The following ACSF2 variants were observed in gnomAD, a reference collection of about 807,000 sequenced individuals.
ACSF2 encodes medium-chain acyl-CoA ligase ACSF2, mitochondrial.
In ACSF2, 52 loss-of-function variants were observed where a neutral mutation model predicts 79.3. The ratio of observed to expected loss-of-function variants is 0.66; its 90% confidence interval spans 0.53 to 0.83. The LOEUF (loss-of-function observed/expected upper bound fraction) is 0.83. Ranked by LOEUF, ACSF2 falls within the 40% of genes least tolerant of loss-of-function variation. The pLI, the probability that ACSF2 is intolerant of heterozygous loss-of-function variation, is 0.00. For missense variants in ACSF2, 661 were observed against 803.3 expected, an observed-to-expected ratio of 0.82 and a Z score of 2.14; for synonymous variants, 283 against 312.6, an observed-to-expected ratio of 0.91 and a Z score of 1.00.
At chr17:50,465,764 G>A in intron 10 of ACSF2, 1 of 1,613,910 alleles carries the variant, frequency 6.2e-7, no homozygotes, top group Non-Finnish European at 8.5e-7. Context: ...AAGGGCGAGG[G>A]TCTCCAGGCT....
At chr17:50,433,727 G>C (rs879370801) in intron 1 of ACSF2, among the ~76,000 whole-genome samples, 4 of 151,970 alleles carry the variant, frequency 2.6e-5, no homozygotes, top group Admixed American at 2.0e-4. Context: ...CAGGTGATGT[G>C]CCCACCTCTG....
intron 1 of ACSF2, among the ~76,000 whole-genome samples, chr17:50,454,169 A>AT (rs34569538): frequency 0.068 from 7,673 of 113,054 alleles, 1,138 homozygotes; most frequent in African/African-American, 0.27. Context: ...ACCGTCCCAA[A>AT]TTTTTTTTTT....
intron 1 of ACSF2, among the ~76,000 whole-genome samples, chr17:50,429,816 C>G (rs529603398): frequency 3.4e-4 from 52 of 152,228 alleles, no homozygotes; most frequent in Non-Finnish European, 6.6e-4. Flanking sequence ...CCACGCCCGG[C>G]CCAGAGTCTT....
intron 1 of ACSF2, among the ~76,000 whole-genome samples, chr17:50,446,927 G>C (rs1285302850): frequency 6.6e-6 from 1 of 152,078 alleles, no homozygotes; most frequent in Non-Finnish European, 1.5e-5. Flanking sequence ...TATTGGAAAT[G>C]ATACAAATAT....
At chr17:50,465,569 G>C in intron 10 of ACSF2, 1 of 1,465,788 alleles carries the variant, frequency 6.8e-7, no homozygotes. Context: ...TTTTACAAAT[G>C]GGGAAACTGA....
At chr17:50,462,969 T>C (rs2032441179) in intron 6 of ACSF2, 187 bp from the exon 7 acceptor site, 4 of 618,844 alleles carry the variant, frequency 6.5e-6, no homozygotes. Context: ...AACGGAGACC[T>C]TATCTTCTGC....
chr17:50,472,758 G>T, intron 12 of ACSF2, 179 bp downstream of exon 12: 2 of 655,236 alleles, frequency 3.1e-6, no homozygotes, highest in Non-Finnish European at 4.7e-6. Context: ...TAGCACAGAA[G>T]AAAGCAACTG....
In ACSF2 at chr17:50,461,339, A is replaced by T. The variant is rs1173820278; in HGVS notation, c.422A>T (p.Gln141Leu). ...AACTCCTATGCATGGGTGCTCATGC[A>T]GTTGGCCACCGCCCAGGCGGGCATC... ...GPNSYAWVLM[Q>L]LATAQAGIIL... The change falls in exon 3 of 16, where the codon CAG (glutamine) becomes CTG (leucine). Residue 141 changes from glutamine (Q) to leucine (L), a missense_variant. By Grantham distance (113) the Gln-to-Leu change is moderately radical. Coordinates refer to ENST00000300441, the MANE Select transcript of ACSF2 (RefSeq NM_025149.6). 1.2e-6 allele frequency: 2 copies of T among 1,614,024 alleles called. No individual in the cohort carries two copies. The highest frequency in any genetic ancestry group is 2.7e-5 in the African/African-American group (2 of 74,940).
At chr17:50,465,985 G>A in intron 10 of ACSF2, 1 of 1,150,296 alleles carries the variant, frequency 8.7e-7, no homozygotes, top group Non-Finnish European at 1.3e-6. Flanking sequence ...GCACTTTGAG[G>A]AGTTTCCCAG....
At chr17:50,453,686 A>T (rs2143651206) in intron 1 of ACSF2, among the ~76,000 whole-genome samples, 1 of 152,242 alleles carries the variant, frequency 6.6e-6, no homozygotes, top group South Asian at 2.1e-4. Flanking sequence ...AAATTTGAAT[A>T]TTGATGCTGA....
At chr17:50,433,402 C>G (rs540955106) in intron 1 of ACSF2, among the ~76,000 whole-genome samples, 1 of 152,292 alleles carries the variant, frequency 6.6e-6, no homozygotes, top group African/African-American at 2.4e-5. Flanking sequence ...AATCCTACTT[C>G]CTCAGCCTCC....
At chr17:50,461,847 A>C (rs1389295952) in intron 4 of ACSF2, among the ~76,000 whole-genome samples, 161 bp downstream of exon 4, 1 of 151,708 alleles carries the variant, frequency 6.6e-6, no homozygotes, top group East Asian at 1.9e-4. Flanking sequence ...GGTGGCCCCA[A>C]CTCCAAGGAG....
intron 1 of ACSF2, 88 bp downstream of exon 1, chr17:50,426,477 T>C: frequency 7.9e-7 from 1 of 1,262,256 alleles, no homozygotes; most frequent in African/African-American, 1.6e-5. Flanking sequence ...AAGCCCCACC[T>C]CTGGACGAGT....
chr17:50,465,256 A>G (rs775400988), intron 10 of ACSF2: 1 of 1,612,590 alleles, frequency 6.2e-7, no homozygotes, highest in Admixed American at 1.7e-5. Flanking sequence ...TGGAATCACC[A>G]AAGAGGGACA....
chr17:50,437,623 T>C (rs886663026), intron 1 of ACSF2, among the ~76,000 whole-genome samples: 6 of 151,380 alleles, frequency 4.0e-5, no homozygotes, highest in African/African-American at 1.5e-4. Flanking sequence ...GCCATTGCAC[T>C]CCAGCCTGGG....
intron 1 of ACSF2, among the ~76,000 whole-genome samples, chr17:50,448,821 G>T (rs374140242): frequency 6.6e-6 from 1 of 152,030 alleles, no homozygotes; most frequent in African/African-American, 2.4e-5. Flanking sequence ...TGTGGTTTTG[G>T]CAAAGTCTCT....
intron 1 of ACSF2, among the ~76,000 whole-genome samples, chr17:50,451,703 G>A (rs990436773): frequency 1.3e-5 from 2 of 152,216 alleles, no homozygotes; most frequent in African/African-American, 2.4e-5. Flanking sequence ...GTTCGCCTTG[G>A]CCTCCCAAAG....
chr17:50,439,387 T>C (rs2030712115), intron 1 of ACSF2, among the ~76,000 whole-genome samples: 1 of 152,146 alleles, frequency 6.6e-6, no homozygotes, highest in Admixed American at 6.6e-5. Flanking sequence ...ATTATGCTTT[T>C]ATAATTTCAG....
At position 50,460,861 on chromosome 17, in the gene ACSF2, C is replaced by T. The variant is rs778806401; in HGVS notation, c.313C>T (p.Leu105Phe). Residue 105 changes from leucine to phenylalanine, a missense_variant, in exon 2 of 16, where the codon CTC becomes TTC. Coordinates refer to ENST00000300441, the MANE Select transcript of ACSF2 (RefSeq NM_025149.6). ...AGACGTCAGGTTGACCTTTGCCCAA[C>T]TCAAGGAGGAGGTGGGTCCTGACCT... ...HEDVRLTFAQ[L>F]KEEVDKAASG... 1.9e-6 allele frequency: 3 copies of T among 1,609,196 alleles called. No homozygotes were observed. Among genetic ancestry groups the T allele is most frequent in the Non-Finnish European group, 2.5e-6 (3 of 1,177,266 alleles).
Sources: gnomAD v4.1 joint callset for allele counts (sites outside exome capture counted in the v4.1 genomes callset) on GRCh38, gnomAD v4.1.1 for gene constraint, MANE v1.5 for transcripts, NCBI Gene and HGNC (gene_info 2026-07-23, HGNC 2026-07-21) for gene names.